Variants in GLS observed in about 807,000 individuals in gnomAD.
The protein encoded by GLS is glutaminase, also known as glutaminase kidney isoform, mitochondrial.
Under a neutral mutation model 86.7 loss-of-function variants are expected in GLS, and 36 were observed. The observed-to-expected ratio is 0.42, with a 90% CI of 0.32 to 0.55. The LOEUF (loss-of-function observed/expected upper bound fraction) is 0.55, where lower values mean the gene tolerates loss of function less well. Among genes scored for constraint, GLS ranks in the 20% least tolerant of loss-of-function variants. The pLI is 0.17. For missense variants in GLS, 528 were observed against 833.4 expected (o/e 0.63, Z 4.51); for synonymous variants, 317 against 305.9 (o/e 1.04, Z -0.38).
intron 11 of GLS, among the ~76,000 whole-genome samples, chr2:190,925,282 T>C (rs1175394579): frequency 6.6e-6 from 1 of 152,222 alleles, no homozygotes; most frequent in African/African-American, 2.4e-5. Context: ...GTGTCTCAGC[T>C]GACTTGGTAT....
At position 190,953,385 on chromosome 2, in the gene GLS, TAAA is replaced by T. The variant is rs1690770287; in HGVS notation, c.1651-178_1651-176del. Among the ~76,000 whole-genome samples, 2 of 152,208 alleles carry T rather than the reference TAAA, an allele frequency of 1.3e-5. No homozygotes were observed. The highest frequency in any genetic ancestry group is 2.9e-5 in the Non-Finnish European group (2 of 68,024). On this transcript the variant is annotated intron_variant, in intron 14 of 17. Transcript: ENST00000320717. The surrounding 1 kb of genome is among the most constrained non-coding windows in gnomAD (Gnocchi z 4.0). ...TGAATTTTCCCTCACAATCCACTGT[TAAA>T]AGAAGAAAGTATCACACACGTGGGT...
At position 190,953,954 on chromosome 2, in the gene GLS, G is replaced by A. The variant is rs1163059278; in HGVS notation, c.1712+328G>A. On this transcript the variant is annotated intron_variant, in intron 15 of 17. Transcript: ENST00000320717. The surrounding 1 kb of genome is among the most constrained non-coding windows in gnomAD (Gnocchi z 4.0). ...CCTCCATTCCCAATCTTTGATATGT[G>A]TGTGTGTGTGTGTGTGTGTGTGTGT... Among the ~76,000 whole-genome samples, 7 of 47,772 alleles carry A rather than the reference G, an allele frequency of 1.5e-4. No homozygotes were observed. The highest frequency in any genetic ancestry group is 4.4e-4 in the African/African-American group (6 of 13,744). The allele number at this position is 47,772 out of a possible 152,430, so 31.3% of individuals were successfully genotyped here.
chr2:190,938,216 C>A lies in GLS; in HGVS notation c.1650+6579C>A, dbSNP rs1175060995. On this transcript the variant is annotated intron_variant, in intron 14 of 17. Transcript: ENST00000320717. The surrounding 1 kb of genome is among the most constrained non-coding windows in gnomAD (Gnocchi z 4.1). ...TCATTAGGTATTTACCTTGCTGAAA[C>A]ACTTTCAGGCCTTAAAACCACAGAT... is the stretch of plus-strand genomic sequence containing the variant. 3.3e-5 allele frequency among the ~76,000 whole-genome samples: 5 copies of A among 151,374 alleles called. No homozygotes were observed. Among genetic ancestry groups the A allele is most frequent in the Admixed American group, 2.6e-4 (4 of 15,192 alleles).
intron 14 of GLS, chr2:190,934,426 A>G (rs1407127349): frequency 1.1e-6 from 1 of 945,858 alleles, no homozygotes; most frequent in East Asian, 1.2e-4. Context: ...TTTAAGTTGT[A>G]GAGGATTTTC....
intron 14 of GLS, among the ~76,000 whole-genome samples, chr2:190,937,451 G>A (rs563417668): frequency 1.3e-5 from 2 of 151,454 alleles, no homozygotes; most frequent in Admixed American, 6.6e-5. Flanking sequence ...CGGGCAAAAT[G>A]TGATGTTTCG....
chr2:190,896,060 T>C (rs962186038), intron 3 of GLS: 1 of 162,824 alleles, frequency 6.1e-6, no homozygotes, highest in African/African-American at 2.4e-5. Context: ...TTGCACGCTT[T>C]CTCAGCATGG....
chr2:190,951,052 T>C lies in GLS; in HGVS notation c.1651-2513T>C, dbSNP rs897360207. On this transcript the variant is annotated intron_variant, in intron 14 of 17. Coordinates refer to ENST00000320717, the MANE Select transcript of GLS (RefSeq NM_014905.5). This position sits in a 1 kb window ranked among gnomAD's most constrained non-coding sequence, Gnocchi z 4.2. ...TTAGGAGAAAGATTTAGATTAAAGA[T>C]GGGGAAGTCAGTGTGCCCAGAGGAA... Among the ~76,000 whole-genome samples, 47 of 152,198 alleles carry C rather than the reference T, an allele frequency of 3.1e-4. No homozygotes were observed. The highest frequency in any genetic ancestry group is 1.1e-3 in the African/African-American group (47 of 41,498).
In GLS at chr2:190,953,349, ATCTT is replaced by A. The variant is rs1690768899; in HGVS notation, c.1651-214_1651-211del. 6.6e-6 allele frequency among the ~76,000 whole-genome samples: 1 copy of A among 152,036 alleles called. No individual in the cohort carries two copies. Among genetic ancestry groups the A allele is most frequent in the African/African-American group, 2.4e-5 (1 of 41,386 alleles). Reference sequence around the variant, plus strand: ...TTCCATTCCTTCCCTTGTGTATCTTATCTTTATTATTGAATTTTCCCTCACAATC... The same window carrying A: ...TTCCATTCCTTCCCTTGTGTATCTTATATTATTGAATTTTCCCTCACAATC... On this transcript the variant is annotated intron_variant, in intron 14 of 17. Transcript: ENST00000320717. This position sits in a 1 kb window ranked among gnomAD's most constrained non-coding sequence, Gnocchi z 4.0.
At chr2:190,928,823 A>G (rs1689991835) in intron 12 of GLS, among the ~76,000 whole-genome samples, 1 of 133,622 alleles carries the variant, frequency 7.5e-6, no homozygotes, top group Non-Finnish European at 1.5e-5. Flanking sequence ...CACTGTCTCT[A>G]CATTGCTGAT....
chr2:190,933,984 C>T, intron 14 of GLS: 1 of 945,162 alleles, frequency 1.1e-6, no homozygotes, highest in South Asian at 4.9e-5. Flanking sequence ...TTCTACACAA[C>T]CTGATTTCAA....
Position 190,910,331 on chromosome 2 carries a change from T to C in GLS, c.1038+10T>C, listed in dbSNP as rs1336312249. 1 of 1,515,808 alleles carries C rather than the reference T, an allele frequency of 6.6e-7. No homozygotes were observed. Among genetic ancestry groups the C allele is most frequent in the Admixed American group, 1.7e-5 (1 of 57,294 alleles). 93.9% of individuals were successfully genotyped at this position (1,515,808 alleles called of 1,614,324 possible). On this transcript the variant is annotated intron_variant, in intron 7 of 17. Transcript: ENST00000320717. Reference sequence around the variant, plus strand: ...GACTTCACTAATAAAGGTAAAATGTTGATGTTTCATTTTAACCTAGTAAAA... The same window carrying C: ...GACTTCACTAATAAAGGTAAAATGTCGATGTTTCATTTTAACCTAGTAAAA...
chr2:190,926,725 A>AACATTTTGGTC (rs1418038969), intron 11 of GLS, among the ~76,000 whole-genome samples: 1 of 152,206 alleles, frequency 6.6e-6, no homozygotes, highest in Non-Finnish European at 1.5e-5. Flanking sequence ...TCTAAAGGAT[A>AACATTTTGGTC]ACATTTTGGT....
intron 1 of GLS, among the ~76,000 whole-genome samples, chr2:190,893,443 A>G (rs1295068854): frequency 1.3e-5 from 2 of 152,216 alleles, no homozygotes; most frequent in Non-Finnish European, 2.9e-5. Context: ...TGTACCAGAA[A>G]TCATACTATG....
intron 14 of GLS, chr2:190,933,875 TAGTA>T: frequency 1.7e-5 from 15 of 884,334 alleles, no homozygotes; most frequent in Non-Finnish European, 2.0e-5. Flanking sequence ...AGTCTGCAGG[TAGTA>T]AGTATGCTAC....
intron 14 of GLS, chr2:190,932,968 A>G: frequency 4.7e-6 from 6 of 1,269,448 alleles, no homozygotes; most frequent in South Asian, 2.9e-5. Flanking sequence ...TTTGTTCTCA[A>G]TCTTGGGTGC....
Position 190,964,407 on chromosome 2 carries a change from G to GTT in GLS, c.*1422_*1423dup, listed in dbSNP as rs1456424615. ...GAGCTCAAGTACATGAATGTTAGTT[G>GTT]TTATCACATACAGCAAATTCCTTTT... is the stretch of plus-strand genomic sequence containing the variant. On this transcript the variant is annotated 3_prime_UTR_variant, in exon 18 of 18. Transcript: ENST00000320717. This position sits in a 1 kb window ranked among gnomAD's most constrained non-coding sequence, Gnocchi z 5.2. 1.1e-5 allele frequency: 1 copy of GTT among 93,220 alleles called. No homozygotes were observed. Among genetic ancestry groups the GTT allele is most frequent in the Non-Finnish European group, 2.6e-5 (1 of 38,720 alleles). The allele number at this position is 93,220 out of a possible 1,614,324, so 5.8% of individuals were successfully genotyped here.
chr2:190,908,452 C>CT (rs906729366), intron 6 of GLS, among the ~76,000 whole-genome samples: 1 of 152,084 alleles, frequency 6.6e-6, no homozygotes, highest in Non-Finnish European at 1.5e-5. Flanking sequence ...TAAAATTGAT[C>CT]TTTTTTTGCA....
intron 5 of GLS, 36 bp downstream of exon 5, chr2:190,902,062 A>T: frequency 8.2e-7 from 1 of 1,221,228 alleles, no homozygotes; most frequent in Non-Finnish European, 1.2e-6. Context: ...ACCAACTCTA[A>T]GCCTTAACTT....
intron 1 of GLS, among the ~76,000 whole-genome samples, chr2:190,891,202 C>G (rs1233257215): frequency 2.0e-5 from 3 of 152,156 alleles, no homozygotes; most frequent in Non-Finnish European, 2.9e-5. Flanking sequence ...TAATAAAATA[C>G]TTTTTGAAAA....
Sources: gnomAD v4.1 joint callset for allele counts (sites outside exome capture counted in the v4.1 genomes callset) on GRCh38, gnomAD v4.1.1 for gene constraint, Gnocchi (gnomAD v3.1) non-coding constraint, MANE v1.5 for transcripts, NCBI Gene and HGNC (gene_info 2026-07-23, HGNC 2026-07-21) for gene names.